MCPH1: variants seen among roughly 807,000 people sequenced by gnomAD.
The protein encoded by MCPH1 is microcephalin.
MCPH1 carries 104 observed loss-of-function variants against 84.5 expected under a neutral mutation model. The observed-to-expected ratio is 1.23, with a 90% CI of 1.05 to 1.45. The LOEUF is 1.45. Ranked by LOEUF, MCPH1 falls within the 40% of genes most tolerant of loss-of-function variation. MCPH1 has a pLI of 0.00. For synonymous variants in MCPH1, 514 were observed against 366.8 expected (o/e 1.40, Z -4.58); for missense variants, 1,498 against 1,005.7 (o/e 1.49, Z -6.62).
At chr8:6,578,242 A>G (rs1281278664) in intron 12 of MCPH1, among the ~76,000 whole-genome samples, 1 of 152,176 alleles carries the variant, frequency 6.6e-6, no homozygotes, top group Non-Finnish European at 1.5e-5. Context: ...CCAAACTGGT[A>G]TTTCTAGTAA....
chr8:6,439,274 A>G (rs1803136085), intron 6 of MCPH1, among the ~76,000 whole-genome samples, 178 bp downstream of exon 6: 1 of 151,762 alleles, frequency 6.6e-6, no homozygotes, highest in Non-Finnish European at 1.5e-5. Flanking sequence ...TTTTTGAAGC[A>G]TATGTTGGGT....
intron 12 of MCPH1, among the ~76,000 whole-genome samples, chr8:6,551,835 T>A (rs1298392201): frequency 1.3e-5 from 2 of 152,202 alleles, no homozygotes; most frequent in Non-Finnish European, 2.9e-5. Context: ...ATAACGTACT[T>A]TCTCGAGCAG....
At chr8:6,536,657 T>C (rs1248313292) in intron 12 of MCPH1, among the ~76,000 whole-genome samples, 2 of 152,158 alleles carry the variant, frequency 1.3e-5, no homozygotes, top group African/African-American at 4.8e-5. Flanking sequence ...ATGTCCATCA[T>C]ATAGTATAAA....
chr8:6,590,799 A>G (rs1280112102), intron 12 of MCPH1, among the ~76,000 whole-genome samples: 1 of 152,238 alleles, frequency 6.6e-6, no homozygotes, highest in African/African-American at 2.4e-5. Flanking sequence ...AGGCTGCCTC[A>G]GGTCACTTGA....
At chr8:6,490,763 A>G (rs1032843538) in intron 11 of MCPH1, among the ~76,000 whole-genome samples, 1 of 152,180 alleles carries the variant, frequency 6.6e-6, no homozygotes, top group African/African-American at 2.4e-5. Context: ...GTCCTTAACC[A>G]GAGAATGAGA....
intron 9 of MCPH1, 99 bp downstream of exon 9, chr8:6,455,351 C>A: frequency 1.1e-6 from 1 of 892,062 alleles, no homozygotes; most frequent in Non-Finnish European, 1.8e-6. Flanking sequence ...TCTGACTTGT[C>A]TTTTATTCTA....
Position 6,477,570 on chromosome 8 carries a change from T to A in MCPH1, c.1936-24T>A, listed in dbSNP as rs551991895. ...TTTTTATGTTTTTGACTGTTTTTTG[T>A]TCCTTCTTGTTTGAAATCTCTAGCC... is the stretch of plus-strand genomic sequence containing the variant. On this transcript the variant is annotated intron_variant, in intron 9 of 13. Coordinates refer to ENST00000344683, the MANE Select transcript of MCPH1 (RefSeq NM_024596.5). 2.2e-5 allele frequency: 36 copies of A among 1,608,074 alleles called. 1 individual carries two copies. In the South Asian group the frequency reaches 3.2e-4, roughly 14 times the overall value.
intron 12 of MCPH1, among the ~76,000 whole-genome samples, chr8:6,551,506 A>G (rs1391006873): frequency 6.6e-6 from 1 of 152,248 alleles, no homozygotes; most frequent in Non-Finnish European, 1.5e-5. Context: ...AAAATTTCAC[A>G]TCACAAAATC....
chr8:6,640,091 T>TGTGTGTGTGA (rs1259493700), intron 13 of MCPH1, among the ~76,000 whole-genome samples: 13 of 144,842 alleles, frequency 9.0e-5, no homozygotes, highest in African/African-American at 3.5e-4. Context: ...TGTGTGTGTG[T>TGTGTGTGTGA]GTGTGTGCGC....
At chr8:6,489,322 G>A (rs1403930812) in intron 11 of MCPH1, among the ~76,000 whole-genome samples, 1 of 151,952 alleles carries the variant, frequency 6.6e-6, no homozygotes, top group Non-Finnish European at 1.5e-5. Context: ...GAAGGGGGAG[G>A]CAGGGGGACC....
intron 12 of MCPH1, among the ~76,000 whole-genome samples, chr8:6,576,167 G>A (rs980783747): frequency 1.3e-5 from 2 of 152,132 alleles, no homozygotes; most frequent in African/African-American, 4.8e-5. Flanking sequence ...TCAGGAGGGG[G>A]TGAAAAAAGT....
intron 12 of MCPH1, among the ~76,000 whole-genome samples, chr8:6,547,211 A>G (rs1031562783): frequency 2.0e-5 from 3 of 152,016 alleles, no homozygotes; most frequent in African/African-American, 7.2e-5. Context: ...ATTAGATTAT[A>G]CAGAAAAGTC....
intron 3 of MCPH1, among the ~76,000 whole-genome samples, chr8:6,421,842 G>A (rs1466767664): frequency 3.9e-5 from 6 of 152,102 alleles, no homozygotes; most frequent in Admixed American, 2.6e-4. Context: ...CCTTGTTTGC[G>A]TCTTCCAAAT....
intron 12 of MCPH1, chr8:6,616,353 T>A (rs534085629): frequency 6.6e-6 from 1 of 152,220 alleles, no homozygotes; most frequent in South Asian, 2.1e-4. Context: ...GCTTCATTTC[T>A]TGGTGATGGA....
At chr8:6,569,944 T>C (rs1484699531) in intron 12 of MCPH1, among the ~76,000 whole-genome samples, 3 of 152,254 alleles carry the variant, frequency 2.0e-5, no homozygotes, top group Non-Finnish European at 4.4e-5. Context: ...CTCGGGCATC[T>C]GAGCCGGGAC....
intron 13 of MCPH1, among the ~76,000 whole-genome samples, chr8:6,627,807 C>T (rs1796858290): frequency 6.6e-6 from 1 of 152,100 alleles, no homozygotes; most frequent in Admixed American, 6.6e-5. Flanking sequence ...GGGAGGATCA[C>T]CTGAGCTCAG....
chr8:6,606,317 G>C (rs1829768270), intron 12 of MCPH1, among the ~76,000 whole-genome samples: 1 of 152,158 alleles, frequency 6.6e-6, no homozygotes, highest in Non-Finnish European at 1.5e-5. Flanking sequence ...AGAGTAAAAA[G>C]CTTTTGAGAA....
intron 12 of MCPH1, among the ~76,000 whole-genome samples, chr8:6,512,818 G>C (rs1457913680): frequency 6.6e-6 from 1 of 152,190 alleles, no homozygotes; most frequent in Non-Finnish European, 1.5e-5. Context: ...GTGAGGACAA[G>C]GTAAACACCC....
chr8:6,546,926 C>G (rs1422945711), intron 12 of MCPH1, among the ~76,000 whole-genome samples: 1 of 152,208 alleles, frequency 6.6e-6, no homozygotes, highest in East Asian at 1.9e-4. Flanking sequence ...TCTGAAATCA[C>G]TAGGAAAAAC....
Sources: allele counts gnomAD v4.1 joint callset (sites outside exome capture counted in the v4.1 genomes callset), GRCh38; gene constraint gnomAD v4.1.1; transcripts MANE v1.5; gene names NCBI Gene and HGNC (gene_info 2026-07-23, HGNC 2026-07-21).